The following AGBL1 variants were observed in gnomAD, a reference collection of about 807,000 sequenced individuals.
AGBL1 encodes the protein AGBL carboxypeptidase 1, also known as cytosolic carboxypeptidase 4.
Under a neutral mutation model 118.9 loss-of-function variants are expected in AGBL1, and 130 were observed. The observed-to-expected ratio is 1.09, with a 90% CI of 0.95 to 1.26. The LOEUF is 1.26. Among genes scored for constraint, AGBL1 ranks in the 50% most tolerant of loss-of-function variants. The probability of loss-of-function intolerance (pLI) is 0.00; values close to 1 mark genes in which losing one functional copy is unlikely to be tolerated. For synonymous variants in AGBL1, 555 were observed against 478.9 expected, an observed-to-expected ratio of 1.16 and a Z score of -2.08; for missense variants, 1,584 against 1,298.1, an observed-to-expected ratio of 1.22 and a Z score of -3.38.
rs1282106870 is a variant in AGBL1, at chr15:86,295,455, C to T, written c.2374+47C>T. The T allele has an allele frequency of 3.3e-6, 5 of 1,504,716 alleles. No homozygotes were observed. In the African/African-American group the frequency reaches 5.7e-5, roughly 17 times the overall value. 93.2% of individuals were successfully genotyped at this position (1,504,716 alleles called of 1,614,324 possible). ...TCGTAGAAGATTTGACTAAGGGTGT[C>T]CTTTATAGTCTTGGAAGCATTCTGT... On this transcript the variant is annotated intron_variant, in intron 17 of 22. Coordinates refer to ENST00000614907, the MANE Select transcript of AGBL1 (RefSeq NM_001386094.1).
intron 5 of AGBL1, among the ~76,000 whole-genome samples, chr15:86,180,484 A>G (rs1445593766): frequency 6.6e-6 from 1 of 152,162 alleles, no homozygotes; most frequent in Non-Finnish European, 1.5e-5. Context: ...TGCAAATGAT[A>G]GATTTCAGCT....
Position 86,148,079 on chromosome 15 carries a change from G to A in AGBL1, c.262+4234G>A, listed in dbSNP as rs80190720. Among the ~76,000 whole-genome samples the A allele has an allele frequency of 1.0e-2, 1,517 of 152,138 alleles. 20 individuals are homozygous for A. The highest frequency in any genetic ancestry group is 0.035 in the African/African-American group (1,449 of 41,506). On this transcript the variant is annotated intron_variant, in intron 3 of 22. Transcript: ENST00000614907. Reference sequence around the variant, plus strand: ...GAAAGCTAACAAACAGAAAGGAATAGCATTGATATCAACAAAGATCATCTA... The same window carrying A: ...GAAAGCTAACAAACAGAAAGGAATAACATTGATATCAACAAAGATCATCTA...
At chr15:86,091,000 C>T (rs1173076346) in intron 1 of AGBL1, among the ~76,000 whole-genome samples, 1 of 152,018 alleles carries the variant, frequency 6.6e-6, no homozygotes, top group African/African-American at 2.4e-5. Flanking sequence ...TCTGATATAC[C>T]TATTTATTTA....
intron 22 of AGBL1, among the ~76,000 whole-genome samples, chr15:86,818,362 C>T (rs1019988434): frequency 7.9e-5 from 12 of 152,152 alleles, no homozygotes; most frequent in Admixed American, 5.2e-4. Flanking sequence ...GTCAGATAAG[C>T]GGCAGCATTA....
chr15:86,744,284 A>ATATTC (rs2077722460), intron 22 of AGBL1, among the ~76,000 whole-genome samples: 1 of 152,150 alleles, frequency 6.6e-6, no homozygotes, highest in Non-Finnish European at 1.5e-5. Context: ...GCATATTTAT[A>ATATTC]TATTCTGCCA....
intron 4 of AGBL1, among the ~76,000 whole-genome samples, chr15:86,154,965 A>G (rs1164076201): frequency 1.3e-5 from 2 of 152,100 alleles, no homozygotes; most frequent in Non-Finnish European, 2.9e-5. Context: ...TCTCCCTACC[A>G]TATTCCTGAA....
chr15:86,945,041 GAATTAT>G (rs2080801451), intron 23 of AGBL1, among the ~76,000 whole-genome samples: 1 of 151,922 alleles, frequency 6.6e-6, no homozygotes, highest in Non-Finnish European at 1.5e-5. Flanking sequence ...CAATAAATAG[GAATTAT>G]AATTATCATG....
At chr15:86,392,213 T>TC (rs1227957218) in intron 17 of AGBL1, among the ~76,000 whole-genome samples, 2 of 152,190 alleles carry the variant, frequency 1.3e-5, no homozygotes, top group Non-Finnish European at 2.9e-5. Flanking sequence ...TATTTTTTTT[T>TC]CACTCACTGT....
At chr15:86,240,682 G>T (rs2078627963) in intron 6 of AGBL1, among the ~76,000 whole-genome samples, 1 of 152,152 alleles carries the variant, frequency 6.6e-6, no homozygotes, top group Non-Finnish European at 1.5e-5. Context: ...TTTCTATCCT[G>T]AAAAAGACGA....
At chr15:86,704,980 T>C (rs1401921122) in intron 22 of AGBL1, among the ~76,000 whole-genome samples, 1 of 152,076 alleles carries the variant, frequency 6.6e-6, no homozygotes, top group Non-Finnish European at 1.5e-5. Flanking sequence ...ATGTCCTTTG[T>C]AGGGACGTGG....
rs1043028998 is a variant in AGBL1 at position 86,912,641 on chromosome 15, A to G, written c.*5347A>G. On this transcript the variant is annotated 3_prime_UTR_variant, in exon 23 of 23. Transcript: ENST00000614907. ...CACCCTTTCATTTATCAGCCTGGAAAATGGTGCCGTAGAGTCGATTTCATA... is the reference window on the plus strand; with the variant it reads ...CACCCTTTCATTTATCAGCCTGGAAGATGGTGCCGTAGAGTCGATTTCATA... 1.3e-5 allele frequency: 2 copies of G among 152,176 alleles called. No homozygotes were observed. Among genetic ancestry groups the G allele is most frequent in the Admixed American group, 6.5e-5 (1 of 15,280 alleles). The allele number at this position is 152,176 out of a possible 1,614,324, so 9.4% of individuals were successfully genotyped here. A position where few individuals can be genotyped will look rare whatever the true frequency, so the allele number is the denominator to read the frequency against.
chr15:86,943,947 G>A (rs1184667761), intron 23 of AGBL1, among the ~76,000 whole-genome samples: 2 of 152,146 alleles, frequency 1.3e-5, no homozygotes, highest in African/African-American at 2.4e-5. Context: ...ACTGGAGAAT[G>A]TAGCTGGCAC....
At chr15:86,987,965 C>T (rs1478577319) in intron 23 of AGBL1, 5 of 1,610,724 alleles carry the variant, frequency 3.1e-6, no homozygotes, top group Admixed American at 3.3e-5. Flanking sequence ...ATCTGTACCA[C>T]TCATTTATCT....
At chr15:87,026,790 G>A (rs576252502) in intron 24 of AGBL1, among the ~76,000 whole-genome samples, 1 of 152,140 alleles carries the variant, frequency 6.6e-6, no homozygotes, top group South Asian at 2.1e-4. Context: ...TATACACAGT[G>A]GAATACTACT....
Position 86,718,767 on chromosome 15 carries a change from C to CT in AGBL1, c.3158+44337dup, listed in dbSNP as rs560502579. Among the ~76,000 whole-genome samples, 194 of 152,056 alleles carry CT rather than the reference C, an allele frequency of 1.3e-3. 1 individual carries two copies. The highest frequency in any genetic ancestry group is 4.4e-3 in the African/African-American group (182 of 41,504). On this transcript the variant is annotated intron_variant, in intron 22 of 22. Coordinates refer to ENST00000614907, the MANE Select transcript of AGBL1 (RefSeq NM_001386094.1). ...CAGGAGGAGGCCAGGAAATGAAGGA[C>CT]TTTTTTAAAAAAAATTGTATTTCAT... is the stretch of plus-strand genomic sequence containing the variant.
intron 22 of AGBL1, among the ~76,000 whole-genome samples, chr15:86,837,083 G>A (rs1219464761): frequency 1.3e-5 from 2 of 152,084 alleles, no homozygotes; most frequent in Non-Finnish European, 2.9e-5. Context: ...AATAAAAATT[G>A]ATGAGTGAGT....
chr15:86,794,849 A>G lies in AGBL1; in HGVS notation c.3159-112238A>G, dbSNP rs564250727. Reference sequence around the variant, plus strand: ...CTAAGCACAGTGCTGTATACAAGCAATGGAACTGCTAGTTTTATATTTTTT... The same window carrying G: ...CTAAGCACAGTGCTGTATACAAGCAGTGGAACTGCTAGTTTTATATTTTTT... On this transcript the variant is annotated intron_variant, in intron 22 of 22. Transcript: ENST00000614907. Among the ~76,000 whole-genome samples, 8 of 152,326 alleles carry G rather than the reference A, an allele frequency of 5.3e-5. No homozygotes were observed. The South Asian group carries it at 8.3e-4, about 16-fold the overall frequency.
chr15:86,410,043 C>A (rs149499718), intron 18 of AGBL1, among the ~76,000 whole-genome samples: 61 of 152,176 alleles, frequency 4.0e-4, no homozygotes, highest in African/African-American at 1.3e-3. Context: ...ATAAAGCAAA[C>A]CCTTGGGTAT....
chr15:86,940,879 T>C (rs2080742987), intron 23 of AGBL1, among the ~76,000 whole-genome samples: 1 of 152,200 alleles, frequency 6.6e-6, no homozygotes, highest in Admixed American at 6.5e-5. Flanking sequence ...AATCACTTCC[T>C]GTTCTTTGTT....
Sources: gnomAD v4.1 joint callset for allele counts (sites outside exome capture counted in the v4.1 genomes callset) on GRCh38, gnomAD v4.1.1 for gene constraint, MANE v1.5 for transcripts, NCBI Gene and HGNC (gene_info 2026-07-23, HGNC 2026-07-21) for gene names.